The following ITIH1 variants were observed in gnomAD, a reference collection of about 807,000 sequenced individuals.
The protein encoded by ITIH1 is inter-alpha-trypsin inhibitor heavy chain H1.
In ITIH1, 94 loss-of-function variants were observed where a neutral mutation model predicts 104.6. The ratio of observed to expected loss-of-function variants is 0.90; its 90% CI spans 0.76 to 1.07. The LOEUF (loss-of-function observed/expected upper bound fraction) is 1.07. ITIH1 is among the 50% of genes least tolerant of loss of function. The pLI, the probability that ITIH1 is intolerant of heterozygous loss-of-function variation, is 0.00. For synonymous variants in ITIH1, 455 were observed against 464.4 expected, an observed-to-expected ratio of 0.98 and a Z score of 0.26; for missense variants, 1,193 against 1,181.4, an observed-to-expected ratio of 1.01 and a Z score of -0.14.
At chr3:52,780,109 G>C (rs1698995732) in intron 5 of ITIH1, 160 bp from the exon 6 acceptor site, 1 of 919,402 alleles carries the variant, frequency 1.1e-6, no homozygotes, top group Non-Finnish European at 1.6e-6. Context: ...TGGGAGCCCT[G>C]GTAGAGAATT....
rs752902900 is a variant in ITIH1, at chr3:52,786,978, G to C, written c.1767G>C (p.Leu589=). The C allele has an allele frequency of 6.2e-7, 1 of 1,614,060 alleles. No individual in the cohort carries two copies. Among genetic ancestry groups the C allele is most frequent in the South Asian group, 1.1e-5 (1 of 91,072 alleles). Residue 589 remains leucine (L), a synonymous_variant, in exon 14 of 22, where the codon CTG becomes CTC. Coordinates refer to ENST00000273283, the MANE Select transcript of ITIH1 (RefSeq NM_002215.4). ...TGGACAGGGAGGAGAGGGCCAACCT[G>C]TCATCCCAGGCCCTGCAGATGTCGC... ...MKVDREERAN[L]SSQALQMSLD...
chr3:52,786,273 C>T lies in ITIH1; in HGVS notation c.1594-22C>T, dbSNP rs76889890. 2,253 of 1,561,104 alleles carry T rather than the reference C, an allele frequency of 1.4e-3. 28 individuals are homozygous for T. The African/African-American group carries it at 0.027, about 19-fold the overall frequency. On this transcript the variant is annotated intron_variant, in intron 12 of 21. Transcript: ENST00000273283. ...CCGTGCTTATCATGGTGCACCACCC[C>T]TCTCTGTACCTCAACTCTCAGGAGG...
intron 12 of ITIH1, 92 bp from the exon 13 acceptor site, chr3:52,786,203 A>G (rs548628004): frequency 1.5e-6 from 2 of 1,300,048 alleles, no homozygotes; most frequent in South Asian, 2.8e-5. Flanking sequence ...AGCTGCAGAT[A>G]CCAGACGAAA....
rs368914793 is a variant in ITIH1 at position 52,787,556 on chromosome 3, A to T, written c.1904-36A>T. On this transcript the variant is annotated intron_variant, in intron 15 of 21. Transcript: ENST00000273283. ...CCTTTCGTGTGGGGCACCGTGGGTG[A>T]CACTGTCTTCGATAATATGTCCTTG... 1.8e-5 allele frequency: 29 copies of T among 1,613,866 alleles called. No individual in the cohort carries two copies. In the African/African-American group the frequency reaches 3.7e-4, roughly 21 times the overall value.
At chr3:52,778,678 G>A in intron 3 of ITIH1, 172 bp downstream of exon 3, 1 of 1,444,888 alleles carries the variant, frequency 6.9e-7, no homozygotes, top group East Asian at 2.5e-5. Flanking sequence ...TCTGTGCTTG[G>A]CTCCCATCTT....
Position 52,778,820 on chromosome 3 carries a change from C to T in ITIH1, c.306-122C>T, listed in dbSNP as rs993018940. 33 of 1,041,186 alleles carry T rather than the reference C, an allele frequency of 3.2e-5. No homozygotes were observed. The Admixed American group carries it at 6.3e-4, about 20-fold the overall frequency. The allele number at this position is 1,041,186 out of a possible 1,614,324, so 64.5% of individuals were successfully genotyped here. A position where few individuals can be genotyped will look rare whatever the true frequency, so the allele number is the denominator to read the frequency against. On this transcript the variant is annotated intron_variant, in intron 3 of 21. Coordinates refer to ENST00000273283, the MANE Select transcript of ITIH1 (RefSeq NM_002215.4). ...TTGCCCATGGACCCCTGAGTTCCAC[C>T]ATGGGCAGTGGAAGGCTCGTCAGGA...
intron 19 of ITIH1, chr3:52,790,222 G>A: frequency 5.9e-6 from 2 of 341,454 alleles, no homozygotes; most frequent in Admixed American, 4.5e-5. Context: ...CATTTGGCAT[G>A]TCTTAGTCTG....
rs574512974 is a variant in ITIH1, at chr3:52,782,619, G to A, written c.931-338G>A. ...ATCTTATAGCAGGGAATAGCTCTCC[G>A]CCCACAGGGTTTGGAGTGCCCTGTC... is the stretch of plus-strand genomic sequence containing the variant. On this transcript the variant is annotated intron_variant, in intron 8 of 21. Transcript: ENST00000273283. Among the ~76,000 whole-genome samples the A allele has an allele frequency of 9.2e-4, 140 of 152,278 alleles. 1 individual carries two copies. The highest frequency in any genetic ancestry group is 1.9e-3 in the Non-Finnish European group (127 of 68,022).
chr3:52,780,864 G>C (rs946991465), intron 6 of ITIH1, among the ~76,000 whole-genome samples: 8 of 152,302 alleles, frequency 5.3e-5, no homozygotes, highest in Middle Eastern at 3.4e-3. Flanking sequence ...GAAGCCCCTG[G>C]CTCACCCCCA....
chr3:52,785,255 A>G (rs1463195756), intron 12 of ITIH1, 26 bp downstream of exon 12: 1 of 1,609,852 alleles, frequency 6.2e-7, no homozygotes, highest in Non-Finnish European at 8.5e-7. Flanking sequence ...TGGAGGGTGG[A>G]GAGGCCAGGC....
Position 52,779,153 on chromosome 3 carries a change from A to G in ITIH1, c.410+107A>G. ...GTGGAGAACAGCCCAGGATGATGGA[A>G]GGGTAAGCAAACTGCCCAAACCCAG... On this transcript the variant is annotated intron_variant, in intron 4 of 21. Coordinates refer to ENST00000273283, the MANE Select transcript of ITIH1 (RefSeq NM_002215.4). This position sits in a 1 kb window ranked among gnomAD's most constrained non-coding sequence, Gnocchi z 4.4. 1 of 856,458 alleles carries G rather than the reference A, an allele frequency of 1.2e-6. No individual in the cohort carries two copies. The highest frequency in any genetic ancestry group is 1.9e-5 in the Admixed American group (1 of 51,690). The allele number at this position is 856,458 out of a possible 1,614,324, so 53.1% of individuals were successfully genotyped here. A position where few individuals can be genotyped will look rare whatever the true frequency, so the allele number is the denominator to read the frequency against.
intron 21 of ITIH1, 48 bp downstream of exon 21, chr3:52,791,676 T>G (rs765003767): frequency 2.5e-6 from 4 of 1,609,884 alleles, no homozygotes; most frequent in Admixed American, 3.3e-5. Flanking sequence ...CACTTTGTAG[T>G]TCTTCCAGGT....
chr3:52,790,941 C>T lies in ITIH1; in HGVS notation c.2494+20C>T. The T allele has an allele frequency of 6.3e-7, 1 of 1,586,982 alleles. No homozygotes were observed. The highest frequency in any genetic ancestry group is 8.5e-7 in the Non-Finnish European group (1 of 1,169,670). Reference sequence around the variant, plus strand: ...TGCTGGGTACGGCTGGCCAGGCTGGCAGGGCTGTGGGGAAGGGTGTTGAAG... The same window carrying T: ...TGCTGGGTACGGCTGGCCAGGCTGGTAGGGCTGTGGGGAAGGGTGTTGAAG... On this transcript the variant is annotated intron_variant, in intron 20 of 21. Coordinates refer to ENST00000273283, the MANE Select transcript of ITIH1 (RefSeq NM_002215.4).
chr3:52,788,376 G>A, intron 18 of ITIH1, 31 bp downstream of exon 18: 1 of 1,374,060 alleles, frequency 7.3e-7, no homozygotes, highest in Non-Finnish European at 1.0e-6. Flanking sequence ...CTGCCAGACA[G>A]GGCCAGGGCT....
rs1398553607 is a variant in ITIH1, at chr3:52,791,526, T to C, written c.2504T>C (p.Phe835Ser). 6.2e-7 allele frequency: 1 copy of C among 1,613,948 alleles called. No homozygotes were observed. The highest frequency in any genetic ancestry group is 1.1e-5 in the South Asian group (1 of 91,068). ...CAATGTGCCTTTCTAGGGCAATTTT[T>C]CCACCCCATCGGTTTTGAAGTGTCT... ...ARTHGLLGQF[F>S]HPIGFEVSDI... Residue 835 changes from phenylalanine to serine, a missense_variant, in exon 21 of 22, where the codon TTC (phenylalanine) becomes TCC (serine). Physicochemically the swap from Phe to Ser is radical, Grantham distance 155. Coordinates refer to ENST00000273283, the MANE Select transcript of ITIH1 (RefSeq NM_002215.4).
intron 18 of ITIH1, among the ~76,000 whole-genome samples, chr3:52,788,781 A>C (rs1699271956): frequency 6.6e-6 from 1 of 152,028 alleles, no homozygotes; most frequent in Non-Finnish European, 1.5e-5. Context: ...GGTTGGTCTC[A>C]AACTCCTGAC....
chr3:52,787,340 C>A, intron 15 of ITIH1, 138 bp downstream of exon 15: 1 of 1,282,324 alleles, frequency 7.8e-7, no homozygotes, highest in Non-Finnish European at 1.1e-6. Flanking sequence ...GTCCCCTGAG[C>A]CGCCCTTCTC....
Position 52,779,022 on chromosome 3 carries a change from C to T in ITIH1, c.386C>T (p.Ser129Leu). Residue 129 changes from serine (S) to leucine (L), a missense_variant, in exon 4 of 22, where the codon TCA becomes TTA. Coordinates refer to ENST00000273283, the MANE Select transcript of ITIH1 (RefSeq NM_002215.4). This position sits in a 1 kb window ranked among gnomAD's most constrained non-coding sequence, Gnocchi z 4.4. ...AWKQYRKAAI[S>L]GENAGLVRAS... ...AAGCAGTACCGGAAAGCAGCTATCT[C>T]AGGAGAGAATGCCGGCCTTGTCAGG... 6.2e-7 allele frequency: 1 copy of T among 1,613,662 alleles called. No individual in the cohort carries two copies. The highest frequency in any genetic ancestry group is 8.5e-7 in the Non-Finnish European group (1 of 1,179,524).
At chr3:52,790,123 A>C in intron 19 of ITIH1, 3 of 516,740 alleles carry the variant, frequency 5.8e-6, no homozygotes, top group East Asian at 3.4e-5. Flanking sequence ...AAGCCAGCTC[A>C]TCCTCCCAGG....
Sources: gnomAD v4.1 joint callset for allele counts (sites outside exome capture counted in the v4.1 genomes callset) on GRCh38, gnomAD v4.1.1 for gene constraint, Gnocchi (gnomAD v3.1) non-coding constraint, MANE v1.5 for transcripts, NCBI Gene and HGNC (gene_info 2026-07-23, HGNC 2026-07-21) for gene names.